The following ACER3 variants were observed in gnomAD, a reference collection of about 807,000 sequenced individuals.
The protein encoded by ACER3 is alkCDase 3.
Under a neutral mutation model 48.9 loss-of-function variants are expected in ACER3, and 16 were observed. That is an observed-to-expected ratio of 0.33 (90% CI 0.22 to 0.50). ACER3 has a LOEUF of 0.50. Among genes scored for constraint, ACER3 ranks in the 20% least tolerant of loss-of-function variants. The pLI, the probability that ACER3 is intolerant of heterozygous loss-of-function variation, is 0.98. For synonymous variants in ACER3, 109 were observed against 107.8 expected, an observed-to-expected ratio of 1.01 and a Z score of -0.07; for missense variants, 227 against 326.0, an observed-to-expected ratio of 0.70 and a Z score of 2.34.
At chr11:76,929,796 G>A (rs36133646) in intron 2 of ACER3, among the ~76,000 whole-genome samples, 1,666 of 152,310 alleles carry the variant, frequency 0.011, 11 homozygotes, top group Middle Eastern at 0.024. Flanking sequence ...TGTTGAACCA[G>A]TCTTGCATCC....
chr11:76,910,787 A>G (rs986472941), intron 1 of ACER3, among the ~76,000 whole-genome samples: 1 of 152,198 alleles, frequency 6.6e-6, no homozygotes, highest in Non-Finnish European at 1.5e-5. Context: ...ATGTACTGCT[A>G]ATAGGATTAT....
At chr11:76,903,503 C>G (rs1041052054) in intron 1 of ACER3, among the ~76,000 whole-genome samples, 3 of 137,204 alleles carry the variant, frequency 2.2e-5, no homozygotes, top group South Asian at 2.5e-4. Flanking sequence ...AAGGGGAATC[C>G]CAAAGAAACC....
chr11:76,888,141 G>C (rs1165581260), intron 1 of ACER3, among the ~76,000 whole-genome samples: 1 of 152,084 alleles, frequency 6.6e-6, no homozygotes, highest in Admixed American at 6.6e-5. Flanking sequence ...AGCCTTTTTA[G>C]GTTATATGTA....
intron 2 of ACER3, among the ~76,000 whole-genome samples, chr11:76,938,260 T>C (rs1289763339): frequency 6.6e-6 from 1 of 151,782 alleles, no homozygotes; most frequent in Non-Finnish European, 1.5e-5. Flanking sequence ...AGCGATTCGC[T>C]CACGTTGGCC....
intron 1 of ACER3, among the ~76,000 whole-genome samples, chr11:76,895,007 GT>G (rs1425531033): frequency 6.6e-6 from 1 of 151,976 alleles, no homozygotes; most frequent in Non-Finnish European, 1.5e-5. Flanking sequence ...GTCATGGAGT[GT>G]TTTTTCCCCC....
At chr11:76,907,267 C>T (rs1455160133) in intron 1 of ACER3, among the ~76,000 whole-genome samples, 1 of 152,186 alleles carries the variant, frequency 6.6e-6, no homozygotes, top group Non-Finnish European at 1.5e-5. Context: ...CCCATCACAG[C>T]ACCTTTTGTG....
intron 1 of ACER3, among the ~76,000 whole-genome samples, chr11:76,885,727 G>A (rs560159907): frequency 6.6e-6 from 1 of 152,276 alleles, no homozygotes; most frequent in South Asian, 2.1e-4. Context: ...TAGGGGAATA[G>A]TAGCCTAGCA....
chr11:76,991,102 G>A (rs1948792173), intron 6 of ACER3, among the ~76,000 whole-genome samples: 1 of 152,108 alleles, frequency 6.6e-6, no homozygotes, highest in African/African-American at 2.4e-5. Flanking sequence ...CTGGTACTAT[G>A]CTCACTACTA....
chr11:77,015,834 G>A (rs7130911), intron 8 of ACER3, among the ~76,000 whole-genome samples: 1,688 of 152,240 alleles, frequency 0.011, 31 homozygotes, highest in African/African-American at 0.039. Flanking sequence ...ACAGCCAGGC[G>A]TGGTGACTCA....
intron 10 of ACER3, among the ~76,000 whole-genome samples, chr11:77,020,035 C>G (rs115655584): frequency 0.03 from 4,599 of 152,062 alleles, 94 homozygotes; most frequent in South Asian, 0.065. Flanking sequence ...ATTTATATGC[C>G]CAGCTCCATG....
At chr11:76,973,561 T>C (rs990514942) in intron 3 of ACER3, among the ~76,000 whole-genome samples, 12 of 152,114 alleles carry the variant, frequency 7.9e-5, no homozygotes, top group Non-Finnish European at 1.3e-4. Flanking sequence ...AGTGCCCAGC[T>C]CAGGGTTGGG....
At chr11:77,006,676 A>AT (rs149915403) in intron 7 of ACER3, among the ~76,000 whole-genome samples, 17,185 of 150,680 alleles carry the variant, frequency 0.11, 3,205 homozygotes, top group African/African-American at 0.39. Context: ...TGCCCTTCAC[A>AT]TTTTTTTTAA....
chr11:76,903,843 T>G (rs898228066), intron 1 of ACER3, among the ~76,000 whole-genome samples: 2 of 152,190 alleles, frequency 1.3e-5, no homozygotes, highest in Non-Finnish European at 2.9e-5. Flanking sequence ...TTCAAGGTCT[T>G]TTCCTGATCC....
At chr11:76,960,837 T>C (rs1318857830) in intron 3 of ACER3, among the ~76,000 whole-genome samples, 4 of 152,092 alleles carry the variant, frequency 2.6e-5, no homozygotes, top group Non-Finnish European at 5.9e-5. Flanking sequence ...CAGTGCAGAA[T>C]AAGAAGGGTG....
chr11:76,891,305 C>T (rs1342387342), intron 1 of ACER3, among the ~76,000 whole-genome samples: 1 of 150,534 alleles, frequency 6.6e-6, no homozygotes, highest in Non-Finnish European at 1.5e-5. Flanking sequence ...TCATAATTTT[C>T]ATAACCCTTA....
At chr11:76,996,423 A>AT (rs1491012182) in intron 6 of ACER3, among the ~76,000 whole-genome samples, 3 of 79,168 alleles carry the variant, frequency 3.8e-5, no homozygotes, top group Non-Finnish European at 1.1e-4. Context: ...TATTATTATT[A>AT]TTATTATTTT....
At position 77,025,919 on chromosome 11, in the gene ACER3, A is replaced by G. The variant is rs1949544882; in HGVS notation, c.*5592A>G. On this transcript the variant is annotated 3_prime_UTR_variant, in exon 11 of 11. Coordinates refer to ENST00000532485, the MANE Select transcript of ACER3 (RefSeq NM_018367.7). ...AGTGTGCACTTGTCAGAATGAAAAT[A>G]TGTTATTCATTTAAGACATCTCATG... is the stretch of plus-strand genomic sequence containing the variant. The G allele has an allele frequency of 6.6e-6, 1 of 152,198 alleles. No individual in the cohort carries two copies. Among genetic ancestry groups the G allele is most frequent in the Admixed American group, 6.5e-5 (1 of 15,276 alleles). The allele number at this position is 152,198 out of a possible 1,614,324, so 9.4% of individuals were successfully genotyped here. A position where few individuals can be genotyped will look rare whatever the true frequency, so the allele number is the denominator to read the frequency against.
At chr11:76,878,856 T>C (rs1273969950) in intron 1 of ACER3, among the ~76,000 whole-genome samples, 3 of 152,108 alleles carry the variant, frequency 2.0e-5, no homozygotes, top group African/African-American at 7.2e-5. Flanking sequence ...ATTTTATCCA[T>C]TCTGGAGTGT....
chr11:76,919,939 A>G (rs1386723240), intron 1 of ACER3, among the ~76,000 whole-genome samples: 3 of 152,200 alleles, frequency 2.0e-5, no homozygotes, highest in Non-Finnish European at 4.4e-5. Flanking sequence ...ATTACTTCTT[A>G]GCTCTGAGTT....
Sources: gnomAD v4.1 joint callset for allele counts (sites outside exome capture counted in the v4.1 genomes callset) on GRCh38, gnomAD v4.1.1 for gene constraint, MANE v1.5 for transcripts, NCBI Gene and HGNC (gene_info 2026-07-23, HGNC 2026-07-21) for gene names.